DNAAF11: variants seen among roughly 807,000 people sequenced by gnomAD.
The protein encoded by DNAAF11 is leucine rich repeat containing 6.
In DNAAF11, 45 loss-of-function variants were observed where a neutral mutation model predicts 60.8. That is an observed-to-expected ratio of 0.74 (90% CI 0.58 to 0.95). DNAAF11 has a LOEUF of 0.95. Ranked by LOEUF, DNAAF11 falls within the 40% of genes least tolerant of loss-of-function variation. DNAAF11 has a pLI of 0.00. For synonymous variants in DNAAF11, 191 were observed against 183.5 expected, an observed-to-expected ratio of 1.04 and a Z score of -0.33; for missense variants, 546 against 546.2, an observed-to-expected ratio of 1.00 and a Z score of 0.00.
chr8:132,692,172 A>G, the DNAAF11 span, among the ~76,000 whole-genome samples: 1 of 151,540 alleles, frequency 6.6e-6, no homozygotes, highest in African/African-American at 2.4e-5. Flanking sequence ...GAAAATAGTG[A>G]CAAGTAGTGA....
intron 6 of DNAAF11, 78 bp downstream of exon 6, chr8:132,625,193 TG>T: frequency 9.0e-7 from 1 of 1,110,414 alleles, no homozygotes; most frequent in Non-Finnish European, 1.3e-6. Context: ...ACACAAATAA[TG>T]GGTCAAAAAA....
chr8:132,614,374 C>T (rs1020627925), intron 8 of DNAAF11, among the ~76,000 whole-genome samples: 5 of 152,070 alleles, frequency 3.3e-5, no homozygotes, highest in South Asian at 4.2e-4. Context: ...GCACAGTGAA[C>T]CAGGGCCTAA....
intron 10 of DNAAF11, among the ~76,000 whole-genome samples, chr8:132,598,146 T>C (rs1366679484): frequency 2.0e-5 from 3 of 152,212 alleles, no homozygotes; most frequent in African/African-American, 7.2e-5. Flanking sequence ...GTTCAAAGTA[T>C]TCAACACTGT....
chr8:132,681,084 C>G, the DNAAF11 span, among the ~76,000 whole-genome samples: 2 of 119,928 alleles, frequency 1.7e-5, no homozygotes, highest in Admixed American at 2.2e-4. Flanking sequence ...AATCTCGGCT[C>G]ACTGGAACCT....
In DNAAF11 at chr8:132,645,727, A is replaced by C. The variant is rs113594907; in HGVS notation, c.257-7620T>G. On this transcript the variant is annotated intron_variant, in intron 3 of 11. Transcript: ENST00000620350. ...CTTCAGTAGCCGATCAAGTGGAAGAAGGGGTATCAGTGACTGAAGATCAAA... is the reference window on the plus strand; with the variant it reads ...CTTCAGTAGCCGATCAAGTGGAAGACGGGGTATCAGTGACTGAAGATCAAA... Among the ~76,000 whole-genome samples the C allele has an allele frequency of 3.4e-3, 523 of 152,278 alleles. 3 individuals carry two copies. Among genetic ancestry groups the C allele is most frequent in the African/African-American group, 0.012 (492 of 41,550 alleles).
chr8:132,637,872 G>T, intron 4 of DNAAF11, 63 bp downstream of exon 4: 1 of 1,388,602 alleles, frequency 7.2e-7, no homozygotes, highest in Non-Finnish European at 9.9e-7. Context: ...CAGTAAAGCA[G>T]GAATTATTGT....
chr8:132,656,276 A>G (rs1823563022), intron 3 of DNAAF11, among the ~76,000 whole-genome samples: 1 of 152,066 alleles, frequency 6.6e-6, no homozygotes, highest in Non-Finnish European at 1.5e-5. Context: ...AAACAAAACC[A>G]CCTTGTATAT....
chr8:132,590,887 G>T (rs1389707928), intron 10 of DNAAF11, among the ~76,000 whole-genome samples: 2 of 152,206 alleles, frequency 1.3e-5, no homozygotes, highest in African/African-American at 4.8e-5. Flanking sequence ...CTGCAATGCT[G>T]AAATATTTTA....
chr8:132,659,381 A>C (rs534813579), intron 2 of DNAAF11, among the ~76,000 whole-genome samples: 1 of 152,336 alleles, frequency 6.6e-6, no homozygotes, highest in African/African-American at 2.4e-5. Flanking sequence ...ATTAGGATTT[A>C]AAAGAGTGTT....
intron 11 of DNAAF11, among the ~76,000 whole-genome samples, chr8:132,580,051 C>T (rs771136455): frequency 7.4e-5 from 11 of 148,746 alleles, no homozygotes; most frequent in Non-Finnish European, 1.5e-4. Flanking sequence ...AAAAAAAAAG[C>T]ACGAGAACCA....
At position 132,571,159 on chromosome 8, in the gene DNAAF11, A is replaced by G. The variant is rs1563948417; in HGVS notation, c.*1147T>C. ...TTTAATAGAGAAAGGCCCTGTCTGA[A>G]AAAGCACCCATCACCCTTGATTCCC... On this transcript the variant is annotated 3_prime_UTR_variant, in exon 12 of 12. Transcript: ENST00000620350. 6.6e-6 allele frequency among the ~76,000 whole-genome samples: 1 copy of G among 152,160 alleles called. No homozygotes were observed.
In DNAAF11 at chr8:132,632,837, C is replaced by A; in HGVS notation, c.556G>T (p.Glu186Ter). 1.9e-6 allele frequency: 3 copies of A among 1,613,780 alleles called. No individual in the cohort carries two copies. The highest frequency in any genetic ancestry group is 2.2e-5 in the East Asian group (1 of 44,844). Residue 186 changes from glutamate (E) to a stop codon, truncating the protein, a stop_gained, in exon 5 of 12, where the codon GAG (glutamate) becomes TAG (stop). Coordinates refer to ENST00000620350, the MANE Select transcript of DNAAF11 (RefSeq NM_012472.6). LOFTEE classifies it high-confidence loss of function. The stretch of plus-strand genomic sequence containing the variant: ...TCTTCTTGGTGTTTCCTCTGAGCCT[C>A]TTCCTTGAGTTTGGCTCGTTTAAGA... Reference protein sequence around the residue: ...HCLKRAKLKEEAQRKHQEEDK... With the variant: ...HCLKRAKLKE
chr8:132,603,632 G>C (rs1044160186), intron 10 of DNAAF11, among the ~76,000 whole-genome samples: 26 of 152,018 alleles, frequency 1.7e-4, no homozygotes, highest in Admixed American at 4.6e-4. Context: ...TGCCTAATTG[G>C]AGTTGATTTG....
chr8:132,601,731 T>A (rs959573694), intron 10 of DNAAF11, among the ~76,000 whole-genome samples: 1 of 151,896 alleles, frequency 6.6e-6, no homozygotes, highest in African/African-American at 2.4e-5. Flanking sequence ...ATGAGAACAC[T>A]TGGACACAGG....
At chr8:132,677,204 A>C (rs1368160091), upstream of DNAAF11, among the ~76,000 whole-genome samples, 2 of 152,348 alleles carry the variant, frequency 1.3e-5, no homozygotes, top group Admixed American at 1.3e-4. Flanking sequence ...CAAGTTTAGC[A>C]AATTCGCCTG....
intron 10 of DNAAF11, among the ~76,000 whole-genome samples, chr8:132,597,689 G>T (rs934363735): frequency 6.6e-5 from 10 of 152,288 alleles, no homozygotes; most frequent in East Asian, 5.8e-4. Flanking sequence ...TAACCTTGAA[G>T]AAAACAATTA....
At chr8:132,605,185 A>G (rs904361002) in intron 10 of DNAAF11, among the ~76,000 whole-genome samples, 10 of 152,160 alleles carry the variant, frequency 6.6e-5, no homozygotes, top group Non-Finnish European at 1.2e-4. Flanking sequence ...TGAATGAGGA[A>G]TCTGAGGCAC....
intron 5 of DNAAF11, among the ~76,000 whole-genome samples, chr8:132,631,145 C>A (rs1210864912): frequency 6.6e-6 from 1 of 152,144 alleles, no homozygotes; most frequent in Non-Finnish European, 1.5e-5. Context: ...TGCCAGGCAC[C>A]AGAGATACAG....
At chr8:132,677,033 T>C (rs1378869936), upstream of DNAAF11, among the ~76,000 whole-genome samples, 1 of 152,240 alleles carries the variant, frequency 6.6e-6, no homozygotes, top group East Asian at 1.9e-4. Context: ...ATCAGACAGA[T>C]GACTTCACCT....
Sources: gnomAD v4.1 joint callset for allele counts (sites outside exome capture counted in the v4.1 genomes callset) on GRCh38, gnomAD v4.1.1 for gene constraint, MANE v1.5 for transcripts, NCBI Gene and HGNC (gene_info 2026-07-23, HGNC 2026-07-21) for gene names.